Variants in RNF130 observed in about 807,000 individuals in gnomAD.
RNF130 encodes the protein ring finger protein 130, also known as E3 ubiquitin-protein ligase RNF130.
Under a neutral mutation model 44.6 loss-of-function variants are expected in RNF130, and 21 were observed. The observed-to-expected ratio is 0.47, with a 90% confidence interval of 0.33 to 0.68. The LOEUF is 0.68. Ranked by LOEUF, RNF130 falls within the 30% of genes least tolerant of loss-of-function variation. RNF130 has a pLI of 0.02. For missense variants in RNF130, 479 were observed against 560.6 expected, an observed-to-expected ratio of 0.85 and a Z score of 1.47; for synonymous variants, 214 against 210.4, an observed-to-expected ratio of 1.02 and a Z score of -0.15.
chr5:180,056,008 C>T (rs762661350), intron 1 of RNF130, among the ~76,000 whole-genome samples: 15 of 151,822 alleles, frequency 9.9e-5, no homozygotes, highest in Non-Finnish European at 2.2e-4. Flanking sequence ...TGCTTGAACC[C>T]GGGAGGCAGA....
At chr5:180,023,797 C>T (rs1763927462) in intron 2 of RNF130, among the ~76,000 whole-genome samples, 1 of 152,182 alleles carries the variant, frequency 6.6e-6, no homozygotes, top group African/African-American at 2.4e-5. Flanking sequence ...ATACTCTACC[C>T]TAAGGGAGAT....
At chr5:180,070,410 T>C (rs781499711) in intron 1 of RNF130, among the ~76,000 whole-genome samples, 21 of 152,174 alleles carry the variant, frequency 1.4e-4, no homozygotes, top group Non-Finnish European at 2.4e-4. Flanking sequence ...CCAGACTGTC[T>C]CAAAGAAGAA....
downstream of RNF130, among the ~76,000 whole-genome samples, chr5:179,952,851 A>AG (rs34223050): frequency 0.022 from 3,409 of 152,290 alleles, 132 homozygotes; most frequent in African/African-American, 0.077. Flanking sequence ...AACTTGATAA[A>AG]GGTATCTAGT....
chr5:180,071,165 G>C (rs1765251553), intron 1 of RNF130, among the ~76,000 whole-genome samples: 1 of 152,192 alleles, frequency 6.6e-6, no homozygotes, highest in Non-Finnish European at 1.5e-5. Flanking sequence ...CTTTGTCTAC[G>C]CTGTCCCTGC....
chr5:180,019,159 T>C (rs1582194446), intron 2 of RNF130, among the ~76,000 whole-genome samples: 1 of 148,098 alleles, frequency 6.8e-6, no homozygotes, highest in Non-Finnish European at 1.5e-5. Flanking sequence ...CTGAGGCAGG[T>C]GGATCACCAG....
intron 7 of RNF130, among the ~76,000 whole-genome samples, chr5:179,949,615 T>A (rs1211690966): frequency 1.3e-5 from 2 of 152,256 alleles, no homozygotes; most frequent in African/African-American, 4.8e-5. Flanking sequence ...TCGAATTTTT[T>A]AAATAGTAAA....
At chr5:179,958,272 A>G (rs540671673) in intron 8 of RNF130, among the ~76,000 whole-genome samples, 2 of 152,242 alleles carry the variant, frequency 1.3e-5, no homozygotes, top group Non-Finnish European at 2.9e-5. Flanking sequence ...ACTAATATTA[A>G]CAACAAGGCA....
chr5:179,946,603 G>C (rs1371187576), intron 7 of RNF130, among the ~76,000 whole-genome samples: 2 of 151,174 alleles, frequency 1.3e-5, no homozygotes, highest in Non-Finnish European at 2.9e-5. Context: ...GCCCAGGCTG[G>C]AGTGCAGTGG....
At chr5:179,962,336 G>C (rs559029592) in intron 8 of RNF130, among the ~76,000 whole-genome samples, 26 of 152,306 alleles carry the variant, frequency 1.7e-4, no homozygotes, top group African/African-American at 5.5e-4. Flanking sequence ...ACTGCAAGTG[G>C]AGGCCACTTG....
intron 2 of RNF130, among the ~76,000 whole-genome samples, chr5:180,018,873 G>A (rs1190907722): frequency 1.3e-5 from 2 of 152,162 alleles, no homozygotes; most frequent in Non-Finnish European, 2.9e-5. Context: ...CTCCTCCTGG[G>A]AGTAAACCCC....
intron 3 of RNF130, among the ~76,000 whole-genome samples, chr5:179,998,890 ATAT>A (rs1763267818): frequency 1.1e-5 from 1 of 95,180 alleles, no homozygotes; most frequent in Non-Finnish European, 2.2e-5. Context: ...TATATGTTTT[ATAT>A]ATCTGAGTGC....
chr5:179,962,662 C>A (rs924383043), intron 8 of RNF130, among the ~76,000 whole-genome samples: 1 of 152,086 alleles, frequency 6.6e-6, no homozygotes, highest in African/African-American at 2.4e-5. Flanking sequence ...CTTTCTATAC[C>A]TTATCCCTAT....
intron 7 of RNF130, among the ~76,000 whole-genome samples, chr5:179,924,094 C>T (rs1184866842): frequency 6.6e-6 from 1 of 152,170 alleles, no homozygotes; most frequent in African/African-American, 2.4e-5. Flanking sequence ...TCTGTAATCC[C>T]AGCTACTAGG....
chr5:180,003,477 C>G (rs1763393722), intron 3 of RNF130, among the ~76,000 whole-genome samples: 1 of 152,222 alleles, frequency 6.6e-6, no homozygotes, highest in Non-Finnish European at 1.5e-5. Context: ...TATCTCTTCT[C>G]TGTGTTAGGT....
At chr5:179,948,354 C>T (rs751541406) in intron 7 of RNF130, among the ~76,000 whole-genome samples, 1 of 152,126 alleles carries the variant, frequency 6.6e-6, no homozygotes, top group Non-Finnish European at 1.5e-5. Context: ...TCTGTTTCAC[C>T]GGGACTCTAT....
At chr5:180,058,919 A>C (rs1482187339) in intron 1 of RNF130, among the ~76,000 whole-genome samples, 2 of 152,224 alleles carry the variant, frequency 1.3e-5, no homozygotes, top group Non-Finnish European at 2.9e-5. Flanking sequence ...GATGGGTCGC[A>C]CAACAGTGGA....
intron 8 of RNF130, among the ~76,000 whole-genome samples, chr5:179,963,034 G>T (rs988338511): frequency 1.3e-5 from 2 of 152,250 alleles, no homozygotes; most frequent in Non-Finnish European, 2.9e-5. Context: ...AAGTACCCAA[G>T]GCACTGGTCC....
chr5:179,925,005 T>C (rs968354123), intron 7 of RNF130, among the ~76,000 whole-genome samples: 1 of 152,174 alleles, frequency 6.6e-6, no homozygotes, highest in Non-Finnish European at 1.5e-5. Context: ...GAGTTTCCTC[T>C]CTTCAGGATG....
chr5:180,017,058 C>G (rs980539756), intron 2 of RNF130, among the ~76,000 whole-genome samples: 2 of 152,116 alleles, frequency 1.3e-5, no homozygotes, highest in Admixed American at 1.3e-4. Context: ...TCGGGGCTGT[C>G]GGCATCATGC....
Sources: gnomAD v4.1 joint callset for allele counts (sites outside exome capture counted in the v4.1 genomes callset) on GRCh38, gnomAD v4.1.1 for gene constraint, MANE v1.5 for transcripts, NCBI Gene and HGNC (gene_info 2026-07-23, HGNC 2026-07-21) for gene names.